Variants in SLC5A6 observed in about 807,000 individuals in gnomAD.
SLC5A6 encodes the protein solute carrier family 5 member 6.
SLC5A6 carries 31 observed loss-of-function variants against 67.9 expected under a neutral mutation model. That is an observed-to-expected ratio of 0.46 (90% CI 0.34 to 0.62). SLC5A6 has a LOEUF of 0.62. SLC5A6 is among the 20% of genes least tolerant of loss of function. The pLI, the probability that SLC5A6 is intolerant of heterozygous loss-of-function variation, is 0.01. For synonymous variants in SLC5A6, 343 were observed against 331.0 expected (o/e 1.04, Z -0.39); for missense variants, 673 against 812.8 (o/e 0.83, Z 2.09).
chr2:27,212,410 C>G, upstream of SLC5A6: 1 of 1,552,846 alleles, frequency 6.4e-7, no homozygotes, highest in East Asian at 2.4e-5. Flanking sequence ...CCCTGGTGCC[C>G]TGGGCTGCCG....
chr2:27,212,464 C>T (rs775244461), upstream of SLC5A6: 7 of 1,563,226 alleles, frequency 4.5e-6, no homozygotes, highest in African/African-American at 5.5e-5. Flanking sequence ...TGGCGCTACC[C>T]GAGGTACAGA....
chr2:27,200,779 G>A (rs879926592), intron 16 of SLC5A6, among the ~76,000 whole-genome samples, 200 bp from the exon 17 acceptor site: 6 of 152,214 alleles, frequency 3.9e-5, no homozygotes, highest in African/African-American at 1.2e-4. Context: ...GGCCCAGGCT[G>A]GGGCTGAGCT....
intron 8 of SLC5A6, 90 bp from the exon 9 acceptor site, chr2:27,204,680 C>T (rs1187174074): frequency 1.9e-6 from 3 of 1,599,202 alleles, no homozygotes; most frequent in Admixed American, 1.7e-5. Context: ...AGACCCACAT[C>T]CTGACCACAG....
chr2:27,205,983 C>T (rs1674031463), intron 6 of SLC5A6, 43 bp downstream of exon 6: 2 of 1,442,164 alleles, frequency 1.4e-6, no homozygotes, highest in Non-Finnish European at 2.0e-6. Flanking sequence ...CCCCTCCTTA[C>T]TTCATCCCTT....
At chr2:27,205,274 T>A (rs574195036) in intron 7 of SLC5A6, 76 bp downstream of exon 7, 1 of 1,453,704 alleles carries the variant, frequency 6.9e-7, no homozygotes, top group South Asian at 1.2e-5. Context: ...CTGCTTACTA[T>A]AGCCAAGACC....
At chr2:27,203,666 C>G in intron 10 of SLC5A6, 113 bp downstream of exon 10, 2 of 789,902 alleles carry the variant, frequency 2.5e-6, no homozygotes. Context: ...GGGGCAGGCA[C>G]AGTGAGAAAC....
Position 27,212,072 on chromosome 2 carries a change from G to A in SLC5A6, c.-260C>T, listed in dbSNP as rs1180346837. ...CTGCGAAGCCGCGACCTCGGCGTCC[G>A]GACGCGGGGAACACCGGGCTGAGGG... On this transcript the variant is annotated 5_prime_UTR_variant, in exon 1 of 17. Transcript: ENST00000310574. The A allele has an allele frequency of 1.6e-6, 2 of 1,263,152 alleles. No individual in the cohort carries two copies. Among genetic ancestry groups the A allele is most frequent in the East Asian group, 3.1e-5 (1 of 32,782 alleles). 78.2% of individuals were successfully genotyped at this position (1,263,152 alleles called of 1,614,324 possible).
upstream of SLC5A6, chr2:27,212,305 C>T (rs1298692888): frequency 4.5e-6 from 7 of 1,550,134 alleles, no homozygotes; most frequent in South Asian, 2.4e-5. Context: ...GAGGGCCTGA[C>T]GCGCTGCGGG....
upstream of SLC5A6, chr2:27,212,551 T>G: frequency 1.3e-6 from 2 of 1,495,248 alleles, no homozygotes; most frequent in Non-Finnish European, 1.8e-6. Flanking sequence ...CCCCTTCTCC[T>G]CGGCGGGCCT....
chr2:27,207,223 T>G lies in SLC5A6; in HGVS notation c.393+35A>C, dbSNP rs1445977050. 6.2e-7 allele frequency: 1 copy of G among 1,604,862 alleles called. No individual in the cohort carries two copies. Among genetic ancestry groups the G allele is most frequent in the Non-Finnish European group, 8.5e-7 (1 of 1,173,966 alleles). ...TGTCCCTCCTCTCCACCCCAACCCG[T>G]GTCCCACGCACTTCTCCCTTCTGTC... On this transcript the variant is annotated intron_variant, in intron 3 of 16. Transcript: ENST00000310574. This position sits in a 1 kb window ranked among gnomAD's most constrained non-coding sequence, Gnocchi z 5.5.
intron 9 of SLC5A6, 131 bp downstream of exon 9, chr2:27,204,330 A>G: frequency 3.0e-6 from 3 of 999,342 alleles, no homozygotes; most frequent in Non-Finnish European, 4.4e-6. Context: ...AGCATCTCAG[A>G]GTGGGAAAGG....
Position 27,207,616 on chromosome 2 carries a change from G to A in SLC5A6, c.35C>T (p.Ser12Phe). ...SVGVSTSAPLSPTSGTSVGMS... is the reference protein window; with the variant it reads ...SVGVSTSAPLFPTSGTSVGMS... ...GCCCACGCTTGTGCCCGAGGTTGGG[G>A]AAAGAGGGGCTGAGGTGCTCACCCC... The change falls in exon 3 of 17, where the codon TCC (serine) becomes TTC (phenylalanine). Residue 12 changes from serine to phenylalanine, a missense_variant. By Grantham distance (155) the Ser-to-Phe change is radical. Coordinates refer to ENST00000310574, the MANE Select transcript of SLC5A6 (RefSeq NM_021095.4). This position sits in a 1 kb window ranked among gnomAD's most constrained non-coding sequence, Gnocchi z 5.5. 1 of 1,614,176 alleles carries A rather than the reference G, an allele frequency of 6.2e-7. No individual in the cohort carries two copies. Among genetic ancestry groups the A allele is most frequent in the Non-Finnish European group, 8.5e-7 (1 of 1,180,006 alleles).
At chr2:27,201,888 G>A in intron 13 of SLC5A6, 41 bp from the exon 14 acceptor site, 1 of 1,611,878 alleles carries the variant, frequency 6.2e-7, no homozygotes, top group East Asian at 2.2e-5. Context: ...GGCCAGTCCT[G>A]CCAGCCCTCA....
chr2:27,205,267 C>T, intron 7 of SLC5A6, 83 bp downstream of exon 7: 4 of 1,402,550 alleles, frequency 2.9e-6, no homozygotes, highest in South Asian at 1.3e-5. Flanking sequence ...TTACCTTCTG[C>T]TTACTATAGC....
At chr2:27,208,239 C>T (rs1049930618) in intron 2 of SLC5A6, among the ~76,000 whole-genome samples, 1 of 152,278 alleles carries the variant, frequency 6.6e-6, no homozygotes, top group East Asian at 1.9e-4. Context: ...CCCCTGGCCT[C>T]GGCCCTCGCC....
intron 9 of SLC5A6, 104 bp downstream of exon 9, chr2:27,204,357 C>G (rs550251909): frequency 7.5e-7 from 1 of 1,338,566 alleles, no homozygotes; most frequent in South Asian, 1.4e-5. Flanking sequence ...CAACCGTCTC[C>G]CACCCAGGGT....
Position 27,204,482 on chromosome 2 carries a change from C to A in SLC5A6, c.984G>T (p.Gln328His), listed in dbSNP as rs202168390. The A allele has an allele frequency of 5.6e-6, 9 of 1,613,758 alleles. No homozygotes were observed. In the Admixed American group the frequency reaches 1.5e-4, roughly 27 times the overall value. Residue 328 changes from glutamine to histidine, a missense_variant, in exon 9 of 17, where the codon CAG (glutamine) becomes CAT (histidine). Physicochemically the swap from Gln to His is conservative, Grantham distance 24. Coordinates refer to ENST00000310574, the MANE Select transcript of SLC5A6 (RefSeq NM_021095.4). ...YYQEYPMSIQQAQAAPDQFVL... is the reference protein window; with the variant it reads ...YYQEYPMSIQHAQAAPDQFVL... Reference sequence around the variant, plus strand: ...TCACCTGGTCTGGGGCTGCCTGAGCCTGCTGAATGCTCATGGGATACTCCT... The same window carrying A: ...TCACCTGGTCTGGGGCTGCCTGAGCATGCTGAATGCTCATGGGATACTCCT...
chr2:27,211,370 TG>T (rs1558516434), intron 2 of SLC5A6, 96 bp downstream of exon 2: 1 of 152,310 alleles, frequency 6.6e-6, no homozygotes, highest in African/African-American at 2.4e-5. Flanking sequence ...GCTTTCTGGC[TG>T]GCCCTAACCA....
chr2:27,206,167 C>A lies in SLC5A6; in HGVS notation c.512-74G>T, dbSNP rs528753910. On this transcript the variant is annotated intron_variant, in intron 5 of 16. Coordinates refer to ENST00000310574, the MANE Select transcript of SLC5A6 (RefSeq NM_021095.4). ...GGGAGAAGCCCTGGTAGGGCAATCA[C>A]GTCATGCCACAGAGATAAAGCATTG... The A allele has an allele frequency of 5.7e-5, 69 of 1,214,770 alleles. No individual in the cohort carries two copies. In the African/African-American group the frequency reaches 9.2e-4, roughly 16 times the overall value. The allele number at this position is 1,214,770 out of a possible 1,614,324, so 75.2% of individuals were successfully genotyped here.
Sources: allele counts gnomAD v4.1 joint callset (sites outside exome capture counted in the v4.1 genomes callset), GRCh38; gene constraint gnomAD v4.1.1; non-coding constraint Gnocchi (gnomAD v3.1); transcripts MANE v1.5; gene names NCBI Gene and HGNC (gene_info 2026-07-23, HGNC 2026-07-21).